Variants in RMDN1 observed in about 807,000 individuals in gnomAD.
RMDN1 encodes regulator of microtubule dynamics protein 1.
Under a neutral mutation model 48.9 loss-of-function variants are expected in RMDN1, and 48 were observed. The observed-to-expected ratio is 0.98, with a 90% confidence interval of 0.78 to 1.25. The LOEUF (loss-of-function observed/expected upper bound fraction) is 1.25, where lower values mean the gene tolerates loss of function less well. Ranked by LOEUF, RMDN1 falls within the 50% of genes most tolerant of loss-of-function variation. The pLI, the probability that RMDN1 is intolerant of heterozygous loss-of-function variation, is 0.00. For synonymous variants in RMDN1, 148 were observed against 132.6 expected, an observed-to-expected ratio of 1.12 and a Z score of -0.80; for missense variants, 418 against 373.4, an observed-to-expected ratio of 1.12 and a Z score of -0.98.
At chr8:86,504,718 C>T in intron 2 of RMDN1, 1 of 940,220 alleles carries the variant, frequency 1.1e-6, no homozygotes, top group South Asian at 1.3e-5. Context: ...GAAATTGGAC[C>T]AGGTCCCATT....
chr8:86,509,522 G>A (rs1268134460), upstream of RMDN1, among the ~76,000 whole-genome samples: 1 of 152,034 alleles, frequency 6.6e-6, no homozygotes, highest in Non-Finnish European at 1.5e-5. Context: ...AATCTTATGG[G>A]TAATAAGGGA....
chr8:86,475,321 A>T (rs1262208581), intron 8 of RMDN1, among the ~76,000 whole-genome samples: 1 of 152,172 alleles, frequency 6.6e-6, no homozygotes, highest in Non-Finnish European at 1.5e-5. Flanking sequence ...ACGTGCCTAC[A>T]ACAGTGTGTG....
At chr8:86,503,378 A>AAACAAC (rs1818667235) in intron 2 of RMDN1, among the ~76,000 whole-genome samples, 1 of 77,944 alleles carries the variant, frequency 1.3e-5, no homozygotes, top group Non-Finnish European at 2.2e-5. Context: ...AAACAAAAAA[A>AAACAAC]AAAAAAAAAA....
At position 86,482,033 on chromosome 8, in the gene RMDN1, G is replaced by A. The variant is rs148369785; in HGVS notation, c.586-1701C>T. ...TACGAAGTTGTTCTGTCTTTGCATCGTAAATGCTAATCACTGGTCCTCCTG... is the reference window on the plus strand; with the variant it reads ...TACGAAGTTGTTCTGTCTTTGCATCATAAATGCTAATCACTGGTCCTCCTG... On this transcript the variant is annotated intron_variant, in intron 5 of 9. Transcript: ENST00000406452. 935 of 726,452 alleles carry A rather than the reference G, an allele frequency of 1.3e-3. 4 individuals are homozygous for A. The highest frequency in any genetic ancestry group is 0.011 in the African/African-American group (602 of 55,664). 45.0% of individuals were successfully genotyped at this position (726,452 alleles called of 1,614,324 possible).
chr8:86,482,142 C>A, intron 5 of RMDN1: 1 of 507,460 alleles, frequency 2.0e-6, no homozygotes, highest in Non-Finnish European at 3.5e-6. Flanking sequence ...TGGCTTATGC[C>A]TGTAATCTCA....
intron 2 of RMDN1, among the ~76,000 whole-genome samples, chr8:86,498,345 T>C (rs1817701570): frequency 1.3e-5 from 2 of 151,716 alleles, no homozygotes; most frequent in African/African-American, 2.4e-5. Flanking sequence ...TAAGGGCTGG[T>C]ACCAATCCTA....
chr8:86,481,702 T>C (rs1814489007), intron 5 of RMDN1: 8 of 499,820 alleles, frequency 1.6e-5, no homozygotes, highest in Non-Finnish European at 2.4e-5. Context: ...GCCCCACCAA[T>C]GGTCTCTGTC....
intron 2 of RMDN1, among the ~76,000 whole-genome samples, chr8:86,494,553 C>T (rs1246470842): frequency 1.3e-5 from 2 of 152,112 alleles, no homozygotes; most frequent in African/African-American, 4.8e-5. Flanking sequence ...GAGACTCTGT[C>T]TCAAAAAACA....
At chr8:86,479,896 A>C (rs991834730) in intron 6 of RMDN1, among the ~76,000 whole-genome samples, 4 of 152,106 alleles carry the variant, frequency 2.6e-5, no homozygotes, top group Non-Finnish European at 4.4e-5. Flanking sequence ...AGATACTGAA[A>C]ATCAGATTAT....
chr8:86,511,535 C>T (rs963876952), upstream of RMDN1, among the ~76,000 whole-genome samples: 1 of 151,802 alleles, frequency 6.6e-6, no homozygotes, highest in African/African-American at 2.4e-5. Context: ...TAAGGCTGGG[C>T]GTGGTGCCTC....
At chr8:86,503,755 G>C in intron 2 of RMDN1, 1 of 487,550 alleles carries the variant, frequency 2.1e-6, no homozygotes, top group Non-Finnish European at 4.0e-6. Flanking sequence ...TGTTGCTCAC[G>C]TCCCTCTGGT....
At chr8:86,508,465 G>A in intron 1 of RMDN1, 27 bp downstream of exon 1, 1 of 1,537,060 alleles carries the variant, frequency 6.5e-7, no homozygotes, top group Non-Finnish European at 8.8e-7. Flanking sequence ...AGGAAGTGAG[G>A]AGCGGGAGCC....
At chr8:86,480,187 A>G (rs1013721974) in intron 6 of RMDN1, 90 bp downstream of exon 6, 11 of 626,882 alleles carry the variant, frequency 1.8e-5, no homozygotes, top group South Asian at 1.0e-4. Flanking sequence ...AAAATATTTA[A>G]TATCTTTTAT....
chr8:86,475,256 G>C (rs928811600), intron 8 of RMDN1, among the ~76,000 whole-genome samples: 1 of 152,144 alleles, frequency 6.6e-6, no homozygotes, highest in African/African-American at 2.4e-5. Context: ...TAGAATGTAT[G>C]CTATTTGAGG....
intron 2 of RMDN1, chr8:86,495,042 A>G (rs1025105493): frequency 1.5e-5 from 5 of 328,118 alleles, no homozygotes; most frequent in Admixed American, 4.2e-5. Context: ...AAACTAGAGG[A>G]GCCAAGATGG....
chr8:86,470,331 T>A, downstream of RMDN1: 1 of 1,289,276 alleles, frequency 7.8e-7, no homozygotes, highest in Non-Finnish European at 1.0e-6. Context: ...AAGGGATTCC[T>A]GGGGTTTGTT....
chr8:86,488,205 A>G (rs531975593), intron 3 of RMDN1, among the ~76,000 whole-genome samples: 1 of 152,328 alleles, frequency 6.6e-6, no homozygotes, highest in South Asian at 2.1e-4. Flanking sequence ...AATCTATACC[A>G]ATAAAAAGTT....
At chr8:86,489,172 C>G (rs748191100) in intron 2 of RMDN1, among the ~76,000 whole-genome samples, 5 of 152,192 alleles carry the variant, frequency 3.3e-5, no homozygotes, top group Non-Finnish European at 7.3e-5. Context: ...CCAAACCACA[C>G]TGTTTTAATA....
chr8:86,486,434 A>G, intron 4 of RMDN1, 50 bp downstream of exon 4: 1 of 1,275,964 alleles, frequency 7.8e-7, no homozygotes. Context: ...AGAAAAATAT[A>G]GAAAATGTAC....
Sources: gnomAD v4.1 joint callset for allele counts (sites outside exome capture counted in the v4.1 genomes callset) on GRCh38, gnomAD v4.1.1 for gene constraint, MANE v1.5 for transcripts, NCBI Gene and HGNC (gene_info 2026-07-23, HGNC 2026-07-21) for gene names.